Variants in RAB44 observed in about 807,000 individuals in gnomAD.
RAB44 encodes the protein RAB44, member RAS oncogene family, also known as ras-related protein Rab-44.
Under a neutral mutation model 93.3 loss-of-function variants are expected in RAB44, and 67 were observed. That is an observed-to-expected ratio of 0.72 (90% CI 0.59 to 0.88). The LOEUF (loss-of-function observed/expected upper bound fraction) is 0.88. RAB44 is among the 40% of genes least tolerant of loss of function. The pLI is 0.00. For synonymous variants in RAB44, 427 were observed against 520.3 expected (o/e 0.82, Z 2.44); for missense variants, 1,064 against 1,261.7 (o/e 0.84, Z 2.37).
chr6:36,719,065 G>A (rs150538189), intron 7 of RAB44, among the ~76,000 whole-genome samples: 1,571 of 152,210 alleles, frequency 0.01, 20 homozygotes, highest in East Asian at 0.035. Flanking sequence ...GACTACAGGC[G>A]CCCATCACTG....
At chr6:36,728,921 C>T (rs1008844198) in intron 12 of RAB44, 120 bp downstream of exon 12, 6 of 789,602 alleles carry the variant, frequency 7.6e-6, no homozygotes, top group Middle Eastern at 7.1e-4. Context: ...CCATTCCTGC[C>T]CCTGCCCCAA....
chr6:36,720,353 C>T lies in RAB44; in HGVS notation c.829-10C>T. The T allele has an allele frequency of 7.3e-6, 9 of 1,232,346 alleles. No homozygotes were observed. The highest frequency in any genetic ancestry group is 9.1e-6 in the Non-Finnish European group (9 of 988,120). The allele number at this position is 1,232,346 out of a possible 1,614,324, so 76.3% of individuals were successfully genotyped here. On this transcript the variant is annotated splice_polypyrimidine_tract_variant and intron_variant, in intron 7 of 13. Coordinates refer to ENST00000612677, the MANE Select transcript of RAB44 (RefSeq NM_001257357.2). ...CTGGGCTTCTCTCCGCCTCACCCTC[C>T]ACCCTGCAGCTGGAGGCCCAGCTCT...
chr6:36,707,026 A>G (rs1762666247), intron 2 of RAB44, among the ~76,000 whole-genome samples: 1 of 152,148 alleles, frequency 6.6e-6, no homozygotes, highest in South Asian at 2.1e-4. Context: ...TCAGTTTACA[A>G]AAGTATAATC....
At chr6:36,701,159 G>C (rs1391358360) in intron 1 of RAB44, among the ~76,000 whole-genome samples, 4 of 152,188 alleles carry the variant, frequency 2.6e-5, no homozygotes, top group Non-Finnish European at 4.4e-5. Context: ...GCCTAGGCTA[G>C]AGTGCAGTGG....
intron 10 of RAB44, among the ~76,000 whole-genome samples, chr6:36,727,234 G>C (rs936861679): frequency 1.3e-5 from 2 of 152,156 alleles, no homozygotes; most frequent in African/African-American, 2.4e-5. Context: ...TATGTGTATG[G>C]GTGTATATAT....
Position 36,724,637 on chromosome 6 carries a change from AAACCAACCAACCAATC to A in RAB44, c.2600-1210_2600-1195del, listed in dbSNP as rs971799717. On this transcript the variant is annotated intron_variant, in intron 9 of 13. Transcript: ENST00000612677. ...AGAAAAACACAGCTGCATAATCGTG[AAACCAACCAACCAATC>A]AACCAACCAACCAACCAACCAACCA... Among the ~76,000 whole-genome samples the A allele has an allele frequency of 7.4e-5, 11 of 148,990 alleles. 1 individual carries two copies. Among genetic ancestry groups the A allele is most frequent in the South Asian group, 2.1e-4 (1 of 4,676 alleles).
chr6:36,705,672 C>T (rs940144486), intron 2 of RAB44, among the ~76,000 whole-genome samples: 2 of 152,146 alleles, frequency 1.3e-5, no homozygotes, highest in East Asian at 3.9e-4. Context: ...CATGAGCCAC[C>T]GCGCCCGGCC....
chr6:36,700,132 G>A (rs1416289341), intron 1 of RAB44, among the ~76,000 whole-genome samples: 1 of 152,202 alleles, frequency 6.6e-6, no homozygotes, highest in East Asian at 1.9e-4. Flanking sequence ...AGGGAGGTGG[G>A]CCATGCTGGG....
intron 2 of RAB44, among the ~76,000 whole-genome samples, chr6:36,708,306 G>A (rs1243166317): frequency 1.3e-5 from 2 of 151,938 alleles, no homozygotes; most frequent in Non-Finnish European, 2.9e-5. Context: ...CTGAAATATT[G>A]ATATTAATAG....
At chr6:36,725,295 C>T (rs533229463) in intron 9 of RAB44, among the ~76,000 whole-genome samples, 13 of 152,344 alleles carry the variant, frequency 8.5e-5, no homozygotes, top group Non-Finnish European at 1.0e-4. Flanking sequence ...CTTGCCTCAG[C>T]CTCCTGAGTA....
In RAB44 at chr6:36,731,049, C is replaced by T. The variant is rs764982149; in HGVS notation, c.2975+300C>T. 6.6e-6 allele frequency among the ~76,000 whole-genome samples: 1 copy of T among 152,054 alleles called. No homozygotes were observed. Among genetic ancestry groups the T allele is most frequent in the Non-Finnish European group, 1.5e-5 (1 of 68,012 alleles). On this transcript the variant is annotated intron_variant, in intron 13 of 13. Coordinates refer to ENST00000612677, the MANE Select transcript of RAB44 (RefSeq NM_001257357.2). The surrounding 1 kb of genome is among the most constrained non-coding windows in gnomAD (Gnocchi z 4.0). ...AAGAGGGCTGAGAAAAGGAGTGTCTCTCTTCTGCTCCCAAACTTCCAGTAG... is the reference window on the plus strand; with the variant it reads ...AAGAGGGCTGAGAAAAGGAGTGTCTTTCTTCTGCTCCCAAACTTCCAGTAG...
Position 36,733,103 on chromosome 6 carries a change from G to A in RAB44, c.*1010G>A, listed in dbSNP as rs1203584241. Reference sequence around the variant, plus strand: ...CTCGGAGAGCTTGCTTTAGAGTCTTGGAGAGACGGCCATGGTCTTCGTTTG... The same window carrying A: ...CTCGGAGAGCTTGCTTTAGAGTCTTAGAGAGACGGCCATGGTCTTCGTTTG... On this transcript the variant is annotated 3_prime_UTR_variant, in exon 14 of 14. Coordinates refer to ENST00000612677, the MANE Select transcript of RAB44 (RefSeq NM_001257357.2). 6.6e-6 allele frequency: 1 copy of A among 152,232 alleles called. No individual in the cohort carries two copies. The highest frequency in any genetic ancestry group is 1.5e-5 in the Non-Finnish European group (1 of 68,048). 9.4% of individuals were successfully genotyped at this position (152,232 alleles called of 1,614,324 possible). A position where few individuals can be genotyped will look rare whatever the true frequency, so the allele number is the denominator to read the frequency against.
In RAB44 at chr6:36,723,383, T is replaced by C. The variant is rs552615805; in HGVS notation, c.2599+650T>C. The stretch of plus-strand genomic sequence containing the variant: ...ATCATAACTGACATGTAGTGAGTAC[T>C]CAGTAAGTATTAGTTATTATGGTTG... On this transcript the variant is annotated intron_variant, in intron 9 of 13. Coordinates refer to ENST00000612677, the MANE Select transcript of RAB44 (RefSeq NM_001257357.2). Among the ~76,000 whole-genome samples, 420 of 152,332 alleles carry C rather than the reference T, an allele frequency of 2.8e-3. 2 individuals carry two copies. The highest frequency in any genetic ancestry group is 9.6e-3 in the African/African-American group (398 of 41,576).
intron 7 of RAB44, 110 bp downstream of exon 7, chr6:36,718,698 C>A: frequency 2.1e-6 from 1 of 486,602 alleles, no homozygotes; most frequent in Non-Finnish European, 3.3e-6. Flanking sequence ...TTAGAAGGTA[C>A]TGTGATGATT....
rs1762940717 is a variant in RAB44 at position 36,717,124 on chromosome 6, G to T, written c.495-149G>T. 5 of 694,094 alleles carry T rather than the reference G, an allele frequency of 7.2e-6. 1 individual carries two copies. The highest frequency in any genetic ancestry group is 1.0e-5 in the Non-Finnish European group (5 of 497,354). The allele number at this position is 694,094 out of a possible 1,614,324, so 43.0% of individuals were successfully genotyped here. A position where few individuals can be genotyped will look rare whatever the true frequency, so the allele number is the denominator to read the frequency against. On this transcript the variant is annotated intron_variant, in intron 4 of 13. Transcript: ENST00000612677. The surrounding 1 kb of genome is among the most constrained non-coding windows in gnomAD (Gnocchi z 4.1). The stretch of plus-strand genomic sequence containing the variant: ...GGTTCCTGGAGGAGGTGGCGTTTTA[G>T]TTGCATCTTGTAGGGTGTCAATAGA...
At position 36,715,479 on chromosome 6, in the gene RAB44, A is replaced by G. The variant is rs1369790827; in HGVS notation, c.320A>G (p.Lys107Arg). 3.3e-6 allele frequency: 5 copies of G among 1,536,102 alleles called. No individual in the cohort carries two copies. The highest frequency in any genetic ancestry group is 4.4e-6 in the Non-Finnish European group (5 of 1,146,876). ...CCCTCTGTCCACTTCTGTCCCACAG[A>G]AAACATCTTTGGCTCCAGCCAGAGC... ...LSLEEFSSGL[K>R]NIFGSSQSPH... Residue 107 changes from lysine (K) to arginine (R), a missense_variant and splice_region_variant, in exon 4 of 14, where the codon AAA becomes AGA. Lys to Arg is a conservative substitution (Grantham distance 26). Coordinates refer to ENST00000612677, the MANE Select transcript of RAB44 (RefSeq NM_001257357.2).
At chr6:36,707,375 T>C (rs537706586) in intron 2 of RAB44, among the ~76,000 whole-genome samples, 18 of 149,588 alleles carry the variant, frequency 1.2e-4, no homozygotes, top group African/African-American at 4.4e-4. Context: ...AAAAAAAAAG[T>C]ATAATCTACT....
chr6:36,700,843 A>T (rs912437028), intron 1 of RAB44, among the ~76,000 whole-genome samples: 1 of 152,220 alleles, frequency 6.6e-6, no homozygotes, highest in African/African-American at 2.4e-5. Flanking sequence ...TTAGCCACTG[A>T]AGAAGGGTCA....
At chr6:36,730,264 CTAACAGCAGTGGTTTA>C (rs1763330190) in intron 12 of RAB44, among the ~76,000 whole-genome samples, 1 of 152,286 alleles carries the variant, frequency 6.6e-6, no homozygotes, top group African/African-American at 2.4e-5. Flanking sequence ...TACCCAAACA[CTAACAGCAGTGGTTTA>C]GATATTGAGC....
Sources: gnomAD v4.1 joint callset for allele counts (sites outside exome capture counted in the v4.1 genomes callset) on GRCh38, gnomAD v4.1.1 for gene constraint, Gnocchi (gnomAD v3.1) non-coding constraint, MANE v1.5 for transcripts, NCBI Gene and HGNC (gene_info 2026-07-23, HGNC 2026-07-21) for gene names.